The following CDS2 variants were observed in gnomAD, a reference collection of about 807,000 sequenced individuals.
The protein encoded by CDS2 is CDP-diacylglycerol synthase 2.
A neutral mutation model predicts 59.0 loss-of-function variants in CDS2; 47 were observed. The ratio of observed to expected loss-of-function variants is 0.80; its 90% CI spans 0.63 to 1.02. The LOEUF is 1.02. Ranked by LOEUF, CDS2 falls within the 50% of genes least tolerant of loss-of-function variation. CDS2 has a pLI of 0.00. For missense variants in CDS2, 356 were observed against 558.9 expected, an observed-to-expected ratio of 0.64 and a Z score of 3.66; for synonymous variants, 207 against 206.4, an observed-to-expected ratio of 1.00 and a Z score of -0.02.
At chr20:5,189,540 G>A (rs565887430) in intron 11 of CDS2, among the ~76,000 whole-genome samples, 195 bp from the exon 12 acceptor site, 59 of 152,262 alleles carry the variant, frequency 3.9e-4, no homozygotes, top group African/African-American at 1.2e-3. Flanking sequence ...TCTTTATTAA[G>A]TAAATGAAAT....
intron 2 of CDS2, among the ~76,000 whole-genome samples, chr20:5,173,896 G>A (rs2090975146): frequency 6.6e-6 from 1 of 152,230 alleles, no homozygotes; most frequent in Admixed American, 6.5e-5. Context: ...CCGGAAGGGT[G>A]CTTCAGACTG....
At chr20:5,178,669 T>G in intron 4 of CDS2, 148 bp from the exon 5 acceptor site, 1 of 676,298 alleles carries the variant, frequency 1.5e-6, no homozygotes, top group Non-Finnish European at 2.6e-6. Context: ...CAGGAAACCA[T>G]GGTCTGCCTG....
At chr20:5,172,206 G>A (rs569780398) in intron 1 of CDS2, among the ~76,000 whole-genome samples, 45 of 152,294 alleles carry the variant, frequency 3.0e-4, no homozygotes, top group African/African-American at 1.0e-3. Context: ...TCTTTAAGGA[G>A]TTTGTCGTCA....
At chr20:5,178,128 T>A (rs1327335666) in intron 4 of CDS2, among the ~76,000 whole-genome samples, 1 of 152,188 alleles carries the variant, frequency 6.6e-6, no homozygotes, top group Admixed American at 6.5e-5. Flanking sequence ...TGGCTTCTCT[T>A]CTCATGAACG....
chr20:5,132,222 C>T lies in CDS2; in HGVS notation c.57+5073C>T, dbSNP rs553788667. On this transcript the variant is annotated intron_variant, in intron 1 of 12. Coordinates refer to ENST00000460006, the MANE Select transcript of CDS2 (RefSeq NM_003818.4). ...AAGTGATTCTCCCATCTCAGCCTCC[C>T]GAGTAGCTGAGATTACAGTCACATA... 2.6e-5 allele frequency among the ~76,000 whole-genome samples: 4 copies of T among 152,108 alleles called. No homozygotes were observed. The East Asian group carries it at 7.7e-4, about 29-fold the overall frequency.
At position 5,184,818 on chromosome 20, in the gene CDS2, C is replaced by T; in HGVS notation, c.672-40C>T. Reference sequence around the variant, plus strand: ...ATTTTGTGTACTTTTGAGGTACTGTCACCTTGCTTGAGTTGATCCTTACTT... The same window carrying T: ...ATTTTGTGTACTTTTGAGGTACTGTTACCTTGCTTGAGTTGATCCTTACTT... On this transcript the variant is annotated intron_variant, in intron 7 of 12. Coordinates refer to ENST00000460006, the MANE Select transcript of CDS2 (RefSeq NM_003818.4). This position sits in a 1 kb window ranked among gnomAD's most constrained non-coding sequence, Gnocchi z 4.3. 2.8e-6 allele frequency: 4 copies of T among 1,451,196 alleles called. No individual in the cohort carries two copies. The highest frequency in any genetic ancestry group is 2.3e-5 in the East Asian group (1 of 44,104). The allele number at this position is 1,451,196 out of a possible 1,614,324, so 89.9% of individuals were successfully genotyped here. A position where few individuals can be genotyped will look rare whatever the true frequency, so the allele number is the denominator to read the frequency against.
chr20:5,197,249 T>C lies in CDS2; in HGVS notation c.*7015T>C, dbSNP rs58233176. 2.7e-5 allele frequency: 3 copies of C among 110,036 alleles called. No homozygotes were observed. The highest frequency in any genetic ancestry group is 3.8e-5 in the Non-Finnish European group (2 of 52,278). 6.8% of individuals were successfully genotyped at this position (110,036 alleles called of 1,614,324 possible). On this transcript the variant is annotated 3_prime_UTR_variant, in exon 13 of 13. Coordinates refer to ENST00000460006, the MANE Select transcript of CDS2 (RefSeq NM_003818.4). ...ACCTTGGTGGTTTTTTTTTTTTTTT[T>C]GGTTTTTTTTTTTTGATCGAGCTGT... is the stretch of plus-strand genomic sequence containing the variant.
intron 1 of CDS2, among the ~76,000 whole-genome samples, chr20:5,154,940 G>A (rs185517721): frequency 2.0e-5 from 3 of 152,322 alleles, no homozygotes; most frequent in East Asian, 1.9e-4. Flanking sequence ...GAGCCGTTGC[G>A]CTCAGCTGAT....
chr20:5,152,215 G>T (rs1436568776), intron 1 of CDS2, among the ~76,000 whole-genome samples: 1 of 151,950 alleles, frequency 6.6e-6, no homozygotes, highest in African/African-American at 2.4e-5. Flanking sequence ...CTAACTAGGA[G>T]TAGGGGAGTG....
At chr20:5,127,525 C>T (rs945629142) in intron 1 of CDS2, among the ~76,000 whole-genome samples, 1 of 152,284 alleles carries the variant, frequency 6.6e-6, no homozygotes, top group South Asian at 2.1e-4. Context: ...CTCCTCTGAG[C>T]GCAACTTAGG....
chr20:5,190,039 A>G, intron 12 of CDS2, 63 bp from the exon 13 acceptor site: 1 of 1,586,726 alleles, frequency 6.3e-7, no homozygotes, highest in Non-Finnish European at 8.6e-7. Context: ...AGCCACTCAG[A>G]TAATCAGGCC....
chr20:5,137,334 C>T (rs1385952575), intron 1 of CDS2, among the ~76,000 whole-genome samples: 1 of 151,380 alleles, frequency 6.6e-6, no homozygotes, highest in Non-Finnish European at 1.5e-5. Flanking sequence ...GCCTCCGCCT[C>T]CCAGGTTCAA....
At position 5,183,137 on chromosome 20, in the gene CDS2, T is replaced by C; in HGVS notation, c.665T>C (p.Met222Thr). Reference protein sequence around the residue: ...HLVIHNLFEGMIWFIVPISCV... With the variant: ...HLVIHNLFEGTIWFIVPISCV... ...GTTATCCACAACCTATTTGAAGGAA[T>C]GATCTGGTGAGAATTGGGAGTTGGA... The change falls in exon 7 of 13, where the codon ATG becomes ACG. Residue 222 changes from methionine (M) to threonine (T), a missense_variant. Met to Thr is a moderately conservative substitution (Grantham distance 81, BLOSUM62 -1). This residue lies in a region of CDS2 where 87 missense variants were observed against 193.3 expected (regional missense o/e 0.45). Transcript: ENST00000460006. 6.2e-7 allele frequency: 1 copy of C among 1,613,436 alleles called. No homozygotes were observed. Among genetic ancestry groups the C allele is most frequent in the Non-Finnish European group, 8.5e-7 (1 of 1,179,364 alleles).
intron 1 of CDS2, among the ~76,000 whole-genome samples, chr20:5,144,310 A>T (rs2090721508): frequency 6.6e-6 from 1 of 152,226 alleles, no homozygotes; most frequent in African/African-American, 2.4e-5. Context: ...CAGTGAGTGT[A>T]GAAAGTGATA....
chr20:5,154,202 T>C (rs1231048608), intron 1 of CDS2, among the ~76,000 whole-genome samples: 1 of 152,044 alleles, frequency 6.6e-6, no homozygotes, highest in Non-Finnish European at 1.5e-5. Context: ...CCTCTGGGAG[T>C]AGAAGTCCCA....
At chr20:5,186,396 A>G (rs540002606) in intron 9 of CDS2, among the ~76,000 whole-genome samples, 91 of 151,964 alleles carry the variant, frequency 6.0e-4, no homozygotes, top group African/African-American at 2.1e-3. Context: ...TAGCTCCCCA[A>G]ATGGGGAGAG....
intron 1 of CDS2, among the ~76,000 whole-genome samples, chr20:5,146,204 G>A (rs972657058): frequency 6.6e-6 from 1 of 152,152 alleles, no homozygotes; most frequent in Admixed American, 6.5e-5. Flanking sequence ...GTTTTGTTTT[G>A]TGTATGTGAT....
chr20:5,171,066 C>CT (rs1354644183), intron 1 of CDS2, among the ~76,000 whole-genome samples: 1 of 152,240 alleles, frequency 6.6e-6, no homozygotes, highest in African/African-American at 2.4e-5. Context: ...TAACAGTTCT[C>CT]TATCTCCTTT....
At chr20:5,157,075 A>C (rs2090839425) in intron 1 of CDS2, among the ~76,000 whole-genome samples, 1 of 152,162 alleles carries the variant, frequency 6.6e-6, no homozygotes, top group Non-Finnish European at 1.5e-5. Flanking sequence ...GTAGTAAGAC[A>C]CTAAATGTTC....
Sources: allele counts gnomAD v4.1 joint callset (sites outside exome capture counted in the v4.1 genomes callset), GRCh38; gene constraint gnomAD v4.1.1; regional missense constraint gnomAD v4.1.1; non-coding constraint Gnocchi (gnomAD v3.1); transcripts MANE v1.5; gene names NCBI Gene and HGNC (gene_info 2026-07-23, HGNC 2026-07-21).